Variants in SCAF8 observed in about 807,000 individuals in gnomAD.
The protein encoded by SCAF8 is SR-related CTD associated factor 8, also known as SR-related and CTD-associated factor 8.
In SCAF8, 23 loss-of-function variants were observed where a neutral mutation model predicts 140.5. The ratio of observed to expected loss-of-function variants is 0.16; its 90% CI spans 0.12 to 0.23. The LOEUF (loss-of-function observed/expected upper bound fraction) is 0.23, where lower values mean the gene tolerates loss of function less well. Among genes scored for constraint, SCAF8 ranks in the 10% least tolerant of loss-of-function variants. The probability of loss-of-function intolerance (pLI) is 1.00; values close to 1 mark genes in which losing one functional copy is unlikely to be tolerated. For synonymous variants in SCAF8, 575 were observed against 528.9 expected, an observed-to-expected ratio of 1.09 and a Z score of -1.20; for missense variants, 1,397 against 1,555.7, an observed-to-expected ratio of 0.90 and a Z score of 1.72.
At chr6:154,819,861 T>C (rs930581899) in intron 14 of SCAF8, among the ~76,000 whole-genome samples, 16 of 152,012 alleles carry the variant, frequency 1.1e-4, no homozygotes, top group Non-Finnish European at 2.9e-5. Context: ...TGGTGTTGCC[T>C]GCCTGCAGTC....
chr6:154,820,146 C>A, intron 14 of SCAF8, 31 bp from the exon 15 acceptor site: 1 of 1,533,240 alleles, frequency 6.5e-7, no homozygotes, highest in Non-Finnish European at 8.7e-7. Flanking sequence ...TATGTATAAC[C>A]TTTCTTTTTT....
At chr6:154,777,463 A>T (rs1776949576) in intron 2 of SCAF8, among the ~76,000 whole-genome samples, 1 of 152,062 alleles carries the variant, frequency 6.6e-6, no homozygotes, top group African/African-American at 2.4e-5. Context: ...TTAGGATATT[A>T]TACATTTCTA....
chr6:154,797,269 G>T (rs942515332), intron 6 of SCAF8, among the ~76,000 whole-genome samples: 4 of 151,104 alleles, frequency 2.6e-5, no homozygotes, highest in African/African-American at 9.7e-5. Flanking sequence ...ATTTCTTTCT[G>T]TTACTACCCT....
chr6:154,769,549 A>G (rs944164911), intron 1 of SCAF8, among the ~76,000 whole-genome samples: 2 of 152,224 alleles, frequency 1.3e-5, no homozygotes, highest in Non-Finnish European at 2.9e-5. Context: ...GAGAATGCCT[A>G]TCAAAGAGAA....
At chr6:154,826,233 T>TTTTTTTATTAAAA (rs1778564250) in intron 17 of SCAF8, among the ~76,000 whole-genome samples, 1 of 152,152 alleles carries the variant, frequency 6.6e-6, no homozygotes, top group Non-Finnish European at 1.5e-5. Flanking sequence ...AATTAAATAT[T>TTTTTTTATTAAAA]TCAGAAGATA....
chr6:154,736,432 A>G (rs1000560265), intron 1 of SCAF8, among the ~76,000 whole-genome samples: 1 of 151,694 alleles, frequency 6.6e-6, no homozygotes, highest in Non-Finnish European at 1.5e-5. Flanking sequence ...CGCCATGCCC[A>G]GCTAGTTTTT....
At chr6:154,772,979 T>G (rs912164885) in intron 1 of SCAF8, among the ~76,000 whole-genome samples, 2 of 152,158 alleles carry the variant, frequency 1.3e-5, no homozygotes, top group Non-Finnish European at 2.9e-5. Context: ...AGGCTGGTCT[T>G]GAACTCCTGA....
intron 18 of SCAF8, among the ~76,000 whole-genome samples, chr6:154,828,447 T>C (rs1778631340): frequency 6.6e-6 from 1 of 151,950 alleles, no homozygotes; most frequent in Non-Finnish European, 1.5e-5. Context: ...TGTCCCTCTC[T>C]CCCTTTTTTT....
chr6:154,758,703 A>G (rs554648100), intron 1 of SCAF8, among the ~76,000 whole-genome samples: 1 of 152,036 alleles, frequency 6.6e-6, no homozygotes, highest in East Asian at 1.9e-4. Context: ...AGGAACTCCC[A>G]CCCCTCTTCT....
intron 1 of SCAF8, among the ~76,000 whole-genome samples, chr6:154,741,773 T>C (rs1386640851): frequency 1.3e-5 from 2 of 152,208 alleles, no homozygotes; most frequent in Non-Finnish European, 2.9e-5. Flanking sequence ...TAGTTGTATG[T>C]ACAATTTCAG....
intron 1 of SCAF8, among the ~76,000 whole-genome samples, chr6:154,755,067 A>G (rs1010731276): frequency 6.6e-6 from 1 of 152,210 alleles, no homozygotes; most frequent in African/African-American, 2.4e-5. Flanking sequence ...ATGAAAGCTA[A>G]TGAATTATTT....
chr6:154,763,788 C>G (rs1383617061), intron 1 of SCAF8, among the ~76,000 whole-genome samples: 1 of 151,754 alleles, frequency 6.6e-6, no homozygotes, highest in African/African-American at 2.4e-5. Context: ...AGAATGTTGC[C>G]GAATCCAGGG....
At chr6:154,795,518 A>C (rs1357209737) in intron 6 of SCAF8, among the ~76,000 whole-genome samples, 3 of 152,224 alleles carry the variant, frequency 2.0e-5, no homozygotes, top group Admixed American at 6.5e-5. Context: ...TAATGACATT[A>C]AGAAAGGGTA....
intron 16 of SCAF8, among the ~76,000 whole-genome samples, chr6:154,822,938 T>A (rs942078537): frequency 6.6e-6 from 1 of 152,122 alleles, no homozygotes; most frequent in African/African-American, 2.4e-5. Context: ...TGTGAGATCC[T>A]ATGGAAGGAA....
intron 16 of SCAF8, 46 bp from the exon 17 acceptor site, chr6:154,824,188 C>A: frequency 2.5e-6 from 4 of 1,588,722 alleles, no homozygotes; most frequent in Non-Finnish European, 3.4e-6. Context: ...TTCCAAGATG[C>A]AGGTGAATAA....
chr6:154,759,942 TACA>T (rs1562431252), intron 1 of SCAF8, among the ~76,000 whole-genome samples: 2 of 152,112 alleles, frequency 1.3e-5, no homozygotes, highest in African/African-American at 4.8e-5. Context: ...GTGTTGGGAT[TACA>T]GGCGTGAGCC....
At position 154,733,886 on chromosome 6, in the gene SCAF8, C is replaced by T; in HGVS notation, c.-15C>T. The T allele has an allele frequency of 7.1e-6, 11 of 1,544,470 alleles. No individual in the cohort carries two copies. The highest frequency in any genetic ancestry group is 9.6e-6 in the Non-Finnish European group (11 of 1,150,876). ...CCTCTTCCGCCGCCGGGCTCGGGGC[C>T]TCCGCAGCGACAACATGGAGGCCGT... is the stretch of plus-strand genomic sequence containing the variant. On this transcript the variant is annotated 5_prime_UTR_variant, in exon 1 of 20. Transcript: ENST00000367178.
chr6:154,820,277 A>G lies in SCAF8; in HGVS notation c.1736A>G (p.Asp579Gly). 1.2e-6 allele frequency: 2 copies of G among 1,612,456 alleles called. No homozygotes were observed. The highest frequency in any genetic ancestry group is 1.7e-6 in the Non-Finnish European group (2 of 1,179,474). Residue 579 changes from aspartate (D) to glycine (G), a missense_variant, in exon 15 of 20, where the codon GAT becomes GGT. Physicochemically the swap from Asp to Gly is moderately conservative, Grantham distance 94. This residue lies in a region of SCAF8 where 930 missense variants were observed against 874.6 expected (regional missense o/e 1.06). Coordinates refer to ENST00000367178, the MANE Select transcript of SCAF8 (RefSeq NM_014892.5). ...ATACCATGGGAAAAAGTTAAAGTGG[A>G]TGACTTGGAAGGTTTTGCAGAAGGA... ...TYIPWEKVKV[D>G]DLEGFAEGGM...
chr6:154,784,586 A>G (rs1777197593), intron 3 of SCAF8, among the ~76,000 whole-genome samples: 1 of 152,194 alleles, frequency 6.6e-6, no homozygotes. Flanking sequence ...AGAAAGCAAA[A>G]CTTGAATTTC....
Sources: allele counts gnomAD v4.1 joint callset (sites outside exome capture counted in the v4.1 genomes callset), GRCh38; gene constraint gnomAD v4.1.1; regional missense constraint gnomAD v4.1.1; transcripts MANE v1.5; gene names NCBI Gene and HGNC (gene_info 2026-07-23, HGNC 2026-07-21).